The following RSU1 variants were observed in gnomAD, a reference collection of about 807,000 sequenced individuals.
The protein encoded by RSU1 is rsu-1.
RSU1 carries 26 observed loss-of-function variants against 31.1 expected under a neutral mutation model. That is an observed-to-expected ratio of 0.84 (90% CI 0.61 to 1.16). The LOEUF (loss-of-function observed/expected upper bound fraction) is 1.16, where lower values mean the gene tolerates loss of function less well. Among genes scored for constraint, RSU1 ranks in the 50% most tolerant of loss-of-function variants. RSU1 has a pLI of 0.00. For missense variants in RSU1, 320 were observed against 339.1 expected (o/e 0.94, Z 0.44); for synonymous variants, 164 against 136.3 (o/e 1.20, Z -1.41).
At chr10:16,785,389 ACTCTCT>A (rs61277754) in intron 2 of RSU1, among the ~76,000 whole-genome samples, 7 of 135,454 alleles carry the variant, frequency 5.2e-5, no homozygotes, top group East Asian at 2.2e-4. Flanking sequence ...AAACTCATTC[ACTCTCT>A]CTCTATCTTT....
chr10:16,752,691 A>AT, intron 6 of RSU1, 38 bp from the exon 7 acceptor site: 1 of 1,459,946 alleles, frequency 6.8e-7, no homozygotes, highest in South Asian at 1.1e-5. Context: ...ATATTTACAC[A>AT]TTAAAAGGTG....
chr10:16,648,871 A>C (rs1834627391), intron 8 of RSU1, among the ~76,000 whole-genome samples: 1 of 152,152 alleles, frequency 6.6e-6, no homozygotes, highest in South Asian at 2.1e-4. Context: ...TAAACAGTTT[A>C]CCCAAGTCAC....
intron 7 of RSU1, among the ~76,000 whole-genome samples, chr10:16,727,675 A>G (rs1836426536): frequency 6.6e-6 from 1 of 152,216 alleles, no homozygotes; most frequent in African/African-American, 2.4e-5. Context: ...CAGTGATGAC[A>G]TGAGTAAACA....
chr10:16,706,593 A>G (rs1205660019), intron 7 of RSU1, among the ~76,000 whole-genome samples: 2 of 152,104 alleles, frequency 1.3e-5, no homozygotes, highest in African/African-American at 2.4e-5. Context: ...TTTAGAAAAA[A>G]TTTTAATTGA....
chr10:16,594,753 A>C (rs1833582057), intron 8 of RSU1, among the ~76,000 whole-genome samples: 1 of 143,686 alleles, frequency 7.0e-6, no homozygotes, highest in Non-Finnish European at 1.5e-5. Context: ...CATATAAAAT[A>C]TACTATATTA....
intron 6 of RSU1, 41 bp downstream of exon 6, chr10:16,752,877 G>A: frequency 6.5e-7 from 1 of 1,535,596 alleles, no homozygotes; most frequent in South Asian, 1.1e-5. Context: ...CAAGGCTGCA[G>A]CAGTGAATTG....
At chr10:16,798,663 C>T (rs566958640) in intron 2 of RSU1, among the ~76,000 whole-genome samples, 1 of 152,124 alleles carries the variant, frequency 6.6e-6, no homozygotes, top group Non-Finnish European at 1.5e-5. Context: ...CATCTTGAGC[C>T]GTTCTTTGTA....
At chr10:16,737,260 T>C (rs976086144) in intron 7 of RSU1, among the ~76,000 whole-genome samples, 1 of 151,668 alleles carries the variant, frequency 6.6e-6, no homozygotes, top group Non-Finnish European at 1.5e-5. Flanking sequence ...ATGAACACTA[T>C]AAACCCATAT....
At chr10:16,811,852 A>T (rs1260279019) in intron 2 of RSU1, among the ~76,000 whole-genome samples, 1 of 152,160 alleles carries the variant, frequency 6.6e-6, no homozygotes, top group Non-Finnish European at 1.5e-5. Flanking sequence ...AAGCAGTAAC[A>T]TTCCTTCTTC....
intron 2 of RSU1, among the ~76,000 whole-genome samples, chr10:16,805,358 G>A (rs1433835228): frequency 6.6e-6 from 1 of 152,140 alleles, no homozygotes; most frequent in Non-Finnish European, 1.5e-5. Flanking sequence ...TCTGTGAATC[G>A]AAAACTGCTC....
At chr10:16,683,160 G>GGTGTGTGTGTGTGTGTGTGTGTGT (rs4012467) in intron 8 of RSU1, among the ~76,000 whole-genome samples, 4,965 of 143,334 alleles carry the variant, frequency 0.035, 180 homozygotes, top group African/African-American at 0.075. Context: ...ATGGGTGTGT[G>GGTGTGTGTGTGTGTGTGTGTGTGT]GTGTGTGTGT....
chr10:16,727,944 T>A (rs1836431132), intron 7 of RSU1, among the ~76,000 whole-genome samples: 1 of 152,116 alleles, frequency 6.6e-6, no homozygotes, highest in Non-Finnish European at 1.5e-5. Flanking sequence ...TTAAAAAAAT[T>A]ATCTACAGAA....
chr10:16,809,856 C>T (rs1407565227), intron 2 of RSU1, among the ~76,000 whole-genome samples: 5 of 152,222 alleles, frequency 3.3e-5, no homozygotes, highest in Admixed American at 3.3e-4. Context: ...AATATAACTA[C>T]TTCACATGTA....
chr10:16,642,665 T>C, intron 8 of RSU1, among the ~76,000 whole-genome samples: 1 of 152,334 alleles, frequency 6.6e-6, no homozygotes, highest in South Asian at 2.1e-4. Context: ...TACAGATAAA[T>C]ATTCTCTAAA....
In RSU1 at chr10:16,752,951, C is replaced by T. The variant is rs749474727; in HGVS notation, c.450G>A (p.Pro150=). Residue 150 remains proline (P), a synonymous_variant, in exon 6 of 9, where the codon CCG becomes CCA. Coordinates refer to ENST00000345264, the MANE Select transcript of RSU1 (RefSeq NM_012425.4). The part of the protein sequence containing the change: ...YLSDNDFEIL[P]PDIGKLTKLQ... ...ACTTTGTGAGCTTCCCAATATCTGG[C>T]GGCAGGATTTCAAAATCGTTGTCAC... is the stretch of plus-strand genomic sequence containing the variant. 25 of 1,613,782 alleles carry T rather than the reference C, an allele frequency of 1.5e-5. No individual in the cohort carries two copies. Among genetic ancestry groups the T allele is most frequent in the South Asian group, 4.4e-5 (4 of 91,074 alleles).
intron 8 of RSU1, among the ~76,000 whole-genome samples, chr10:16,615,990 C>T (rs543721493): frequency 6.6e-6 from 1 of 152,122 alleles, no homozygotes; most frequent in Admixed American, 6.5e-5. Flanking sequence ...CATACAAATT[C>T]AAAAGCTAGC....
intron 3 of RSU1, among the ~76,000 whole-genome samples, chr10:16,776,831 G>T (rs1267520467): frequency 6.7e-6 from 1 of 149,530 alleles, no homozygotes; most frequent in African/African-American, 2.5e-5. Context: ...AAAAACTACT[G>T]CCGTATTTAA....
intron 7 of RSU1, among the ~76,000 whole-genome samples, chr10:16,751,049 T>C (rs1836969741): frequency 6.6e-6 from 1 of 152,016 alleles, no homozygotes; most frequent in African/African-American, 2.4e-5. Context: ...GTACTTTTTG[T>C]AGAGACGGGG....
intron 8 of RSU1, among the ~76,000 whole-genome samples, chr10:16,684,623 C>A (rs1835405044): frequency 1.3e-5 from 2 of 152,164 alleles, no homozygotes; most frequent in African/African-American, 4.8e-5. Context: ...CCTTCCCTAA[C>A]TGCCCTCAGA....
Sources: allele counts gnomAD v4.1 joint callset (sites outside exome capture counted in the v4.1 genomes callset), GRCh38; gene constraint gnomAD v4.1.1; transcripts MANE v1.5; gene names NCBI Gene and HGNC (gene_info 2026-07-23, HGNC 2026-07-21).